CHD1L: variants seen among roughly 807,000 people sequenced by gnomAD.
CHD1L encodes chromodomain helicase DNA binding protein 1 like.
Under a neutral mutation model 115.9 loss-of-function variants are expected in CHD1L, and 118 were observed. The ratio of observed to expected loss-of-function variants is 1.02; its 90% CI spans 0.88 to 1.19. The LOEUF is 1.19. Ranked by LOEUF, CHD1L falls within the 50% of genes most tolerant of loss-of-function variation. The pLI is 0.00. For missense variants in CHD1L, 1,179 were observed against 1,065.3 expected, an observed-to-expected ratio of 1.11 and a Z score of -1.49; for synonymous variants, 411 against 387.1, an observed-to-expected ratio of 1.06 and a Z score of -0.72.
rs1553942742 is a variant in CHD1L at position 147,259,848 on chromosome 1, G to T, written c.506G>T (p.Ser169Ile). Residue 169 changes from serine (S) to isoleucine (I), a missense_variant, in exon 6 of 23, where the codon AGT (serine) becomes ATT (isoleucine). Ser to Ile is a moderately radical substitution (Grantham distance 142). Coordinates refer to ENST00000369258, the MANE Select transcript of CHD1L (RefSeq NM_004284.6). ...GTTTTCTCTCACAGATTCCCTTGGA[G>T]TGTTCTTGTTGTGGATGAAGCTCAC... ...DASFLKSFPW[S>I]VLVVDEAHRL... The T allele has an allele frequency of 1.9e-6, 3 of 1,613,682 alleles. No homozygotes were observed. The highest frequency in any genetic ancestry group is 2.5e-6 in the Non-Finnish European group (3 of 1,179,694).
At position 147,280,082 on chromosome 1, in the gene CHD1L, C is replaced by G; in HGVS notation, c.1596C>G (p.Thr532=). 2 of 1,614,000 alleles carry G rather than the reference C, an allele frequency of 1.2e-6. No homozygotes were observed. Among genetic ancestry groups the G allele is most frequent in the South Asian group, 2.2e-5 (2 of 91,066 alleles). ...AACTGCTGGCCTCTGAGGGGAGCAC[C>G]ATGGATGAAATAGACCTGGAGTCCA... The part of the protein sequence containing the change: ...LDKLLASEGS[T]MDEIDLESIL... Residue 532 remains threonine, a synonymous_variant, in exon 15 of 23, where the codon ACC becomes ACG. Coordinates refer to ENST00000369258, the MANE Select transcript of CHD1L (RefSeq NM_004284.6).
At chr1:147,216,420 T>A in the CHD1L span, among the ~76,000 whole-genome samples, 2 of 151,038 alleles carry the variant, frequency 1.3e-5, no homozygotes, top group Admixed American at 1.3e-4. Flanking sequence ...TGAGTAATAG[T>A]CTTTTAAATG....
chr1:147,267,941 G>T (rs1674597038), intron 9 of CHD1L, among the ~76,000 whole-genome samples: 1 of 152,122 alleles, frequency 6.6e-6, no homozygotes, highest in Admixed American at 6.5e-5. Flanking sequence ...AATTGACTCA[G>T]TCAGCCTTTC....
chr1:147,284,669 T>TA lies in CHD1L; in HGVS notation c.1854+176dup, dbSNP rs368892725. Among the ~76,000 whole-genome samples, 655 of 152,302 alleles carry TA rather than the reference T, an allele frequency of 4.3e-3. 13 individuals are homozygous for TA. The highest frequency in any genetic ancestry group is 0.015 in the African/African-American group (624 of 41,564). On this transcript the variant is annotated intron_variant, in intron 16 of 22. Transcript: ENST00000369258. ...ACTATACCCTAGTATAAAAACTATG[T>TA]AAAAAAGTCAGCATGAAAAACATAA...
chr1:147,186,612 G>A, the CHD1L span: 1 of 1,116,026 alleles, frequency 9.0e-7, no homozygotes, highest in Non-Finnish European at 1.1e-6. Context: ...CCTACCACAT[G>A]TCAAGAACTC....
chr1:147,256,024 CACTT>C, intron 4 of CHD1L, 97 bp downstream of exon 4: 1 of 737,332 alleles, frequency 1.4e-6, no homozygotes, highest in Non-Finnish European at 2.1e-6. Context: ...TGAGAGCACA[CACTT>C]TTCTGGGCAG....
intron 14 of CHD1L, among the ~76,000 whole-genome samples, chr1:147,278,893 A>G (rs1553959953): frequency 6.6e-6 from 1 of 152,208 alleles, no homozygotes; most frequent in Non-Finnish European, 1.5e-5. Flanking sequence ...TGTAATATAC[A>G]GCTTCTCATA....
At chr1:147,293,567 G>A (rs1225514683) in intron 20 of CHD1L, 41 bp from the exon 21 acceptor site, 6 of 1,560,848 alleles carry the variant, frequency 3.8e-6, no homozygotes, top group Admixed American at 1.7e-5. Context: ...GAGTGTGGCT[G>A]TTTCATGTTG....
the CHD1L span, among the ~76,000 whole-genome samples, chr1:147,201,907 A>G: frequency 0.093 from 14,091 of 152,250 alleles, 733 homozygotes; most frequent in African/African-American, 0.15. Flanking sequence ...TCAAGAGCTA[A>G]GTTTAGGCCA....
the CHD1L span, among the ~76,000 whole-genome samples, chr1:147,218,036 A>C: frequency 1.3e-5 from 2 of 152,248 alleles, no homozygotes; most frequent in Non-Finnish European, 2.9e-5. Flanking sequence ...GAAAACTAAT[A>C]AAATACATCA....
In CHD1L at chr1:147,267,407, C is replaced by T. The variant is rs1313367867; in HGVS notation, c.896-19C>T. ...GTAGGCCATCTCTTTCTGTCTCTCT[C>T]TTTTTTTTTAAATTTCAGATGCATT... On this transcript the variant is annotated intron_variant, in intron 8 of 22. Coordinates refer to ENST00000369258, the MANE Select transcript of CHD1L (RefSeq NM_004284.6). The T allele has an allele frequency of 4.5e-6, 7 of 1,560,574 alleles. No individual in the cohort carries two copies. Among genetic ancestry groups the T allele is most frequent in the African/African-American group, 2.8e-5 (2 of 72,134 alleles).
At chr1:147,239,189 A>AC (rs369585748), upstream of CHD1L, among the ~76,000 whole-genome samples, 947 of 151,146 alleles carry the variant, frequency 6.3e-3, 11 homozygotes, top group African/African-American at 0.017. Flanking sequence ...TTTTAACTAG[A>AC]CCCCCCCTCC....
chr1:147,233,273 G>A, the CHD1L span, among the ~76,000 whole-genome samples: 13 of 151,132 alleles, frequency 8.6e-5, no homozygotes, highest in Non-Finnish European at 1.5e-4. Context: ...CAGCCGCCCC[G>A]TCTGGGAAGT....
the CHD1L span, among the ~76,000 whole-genome samples, chr1:147,226,535 A>G: frequency 4.6e-5 from 7 of 152,330 alleles, no homozygotes; most frequent in African/African-American, 1.7e-4. Flanking sequence ...AGTCATGTAG[A>G]ACCACCAATA....
At chr1:147,279,363 G>A (rs1159327045) in intron 14 of CHD1L, among the ~76,000 whole-genome samples, 5 of 152,126 alleles carry the variant, frequency 3.3e-5, no homozygotes, top group African/African-American at 1.2e-4. Context: ...CTTTCTGCAT[G>A]GTTCCTACAG....
chr1:147,193,689 A>G, the CHD1L span, among the ~76,000 whole-genome samples: 28 of 152,058 alleles, frequency 1.8e-4, no homozygotes, highest in Admixed American at 1.8e-3. Context: ...TGTGTTCCAG[A>G]GATTCTGGTA....
At chr1:147,186,848 G>T in the CHD1L span, 3 of 1,552,958 alleles carry the variant, frequency 1.9e-6, no homozygotes, top group Admixed American at 5.7e-5. Context: ...GATTCTGAAG[G>T]CATCTGTAGA....
At chr1:147,211,844 C>T in the CHD1L span, among the ~76,000 whole-genome samples, 2 of 152,192 alleles carry the variant, frequency 1.3e-5, no homozygotes, top group Admixed American at 1.3e-4. Flanking sequence ...GGGCAAGCTG[C>T]TTGCATGTGC....
At position 147,259,932 on chromosome 1, in the gene CHD1L, G is replaced by A; in HGVS notation, c.576+14G>A. 1 of 1,598,082 alleles carries A rather than the reference G, an allele frequency of 6.3e-7. No homozygotes were observed. The highest frequency in any genetic ancestry group is 1.1e-5 in the South Asian group (1 of 89,486). On this transcript the variant is annotated intron_variant, in intron 6 of 22. Transcript: ENST00000369258. ...ACCTTGTCAGAGGTAAACTTACAGT[G>A]TAGCCTTAGTTTTTATATAACCCCT... is the stretch of plus-strand genomic sequence containing the variant.
Sources: gnomAD v4.1 joint callset for allele counts (sites outside exome capture counted in the v4.1 genomes callset) on GRCh38, gnomAD v4.1.1 for gene constraint, MANE v1.5 for transcripts, NCBI Gene and HGNC (gene_info 2026-07-23, HGNC 2026-07-21) for gene names.